Variants in NAV3 observed in about 807,000 individuals in gnomAD.
The protein encoded by NAV3 is neuron navigator 3.
In NAV3, 87 loss-of-function variants were observed where a neutral mutation model predicts 244.7. The ratio of observed to expected loss-of-function variants is 0.36; its 90% confidence interval spans 0.30 to 0.42. The LOEUF is 0.42. Among genes scored for constraint, NAV3 ranks in the 20% least tolerant of loss-of-function variants. The probability of loss-of-function intolerance (pLI) is 1.00; values close to 1 mark genes in which losing one functional copy is unlikely to be tolerated. For missense variants in NAV3, 2,663 were observed against 2,893.3 expected (o/e 0.92, Z 1.83); for synonymous variants, 1,126 against 1,042.2 (o/e 1.08, Z -1.55).
intron 2 of NAV3, among the ~76,000 whole-genome samples, chr12:77,821,674 T>C (rs1254468120): frequency 1.3e-5 from 2 of 152,184 alleles, no homozygotes; most frequent in Non-Finnish European, 2.9e-5. Flanking sequence ...TTCAAAAATA[T>C]GTGAAAATAA....
In NAV3 at chr12:78,017,874, G is replaced by C. The variant is rs192005803; in HGVS notation, c.1908-3873G>C. On this transcript the variant is annotated intron_variant, in intron 8 of 39. Transcript: ENST00000397909. ...TTGCATAAAAGGTACATCTTTACCA[G>C]TTGGCATTGATTGATCCTCTATAGA... is the stretch of plus-strand genomic sequence containing the variant. 2.6e-5 allele frequency among the ~76,000 whole-genome samples: 4 copies of C among 152,226 alleles called. No homozygotes were observed. The East Asian group carries it at 7.7e-4, about 29-fold the overall frequency.
intron 1 of NAV3, among the ~76,000 whole-genome samples, chr12:77,931,822 G>A (rs1467937727): frequency 4.6e-5 from 7 of 152,012 alleles, no homozygotes; most frequent in Admixed American, 2.6e-4. Flanking sequence ...AGCCGAGATC[G>A]CGCCACTGCA....
chr12:77,819,575 C>T (rs1312587068), intron 2 of NAV3, among the ~76,000 whole-genome samples: 5 of 151,752 alleles, frequency 3.3e-5, no homozygotes, highest in African/African-American at 9.7e-5. Flanking sequence ...CTACTCTCAC[C>T]GTTGCTCTAT....
chr12:77,934,052 T>C (rs1331529682), intron 1 of NAV3, among the ~76,000 whole-genome samples: 1 of 152,220 alleles, frequency 6.6e-6, no homozygotes, highest in Non-Finnish European at 1.5e-5. Flanking sequence ...ATAATCACTT[T>C]CAGTTTAAAA....
At chr12:78,016,814 G>A (rs1876294481) in intron 8 of NAV3, among the ~76,000 whole-genome samples, 1 of 152,110 alleles carries the variant, frequency 6.6e-6, no homozygotes, top group African/African-American at 2.4e-5. Context: ...TTAAAGATTA[G>A]AGGTTTGATA....
rs2140015717 is a variant in NAV3 at position 78,199,509 on chromosome 12, C to T, written c.6693C>T (p.His2231=). 6.3e-7 allele frequency: 1 copy of T among 1,599,326 alleles called. No homozygotes were observed. The highest frequency in any genetic ancestry group is 8.5e-7 in the Non-Finnish European group (1 of 1,174,582). ...WHHLNSFLET[H]SSSDVTIGPR... ...ATCTCAACAGTTTTTTGGAAACACACAGTTCTTCTGACGTTACCATTGGTG... is the reference window on the plus strand; with the variant it reads ...ATCTCAACAGTTTTTTGGAAACACATAGTTCTTCTGACGTTACCATTGGTG... Residue 2231 remains histidine, a synonymous_variant, in exon 37 of 40, where the codon CAC becomes CAT. Transcript: ENST00000397909.
At chr12:78,133,615 C>T (rs1402032424) in intron 18 of NAV3, among the ~76,000 whole-genome samples, 2 of 151,740 alleles carry the variant, frequency 1.3e-5, no homozygotes, top group Non-Finnish European at 2.9e-5. Flanking sequence ...AAAATCACAA[C>T]ATATATTAGA....
chr12:77,656,611 A>G (rs1209875225), intron 2 of NAV3, among the ~76,000 whole-genome samples: 3 of 134,070 alleles, frequency 2.2e-5, no homozygotes, highest in Non-Finnish European at 4.6e-5. Flanking sequence ...AGCGGACCTA[A>G]TAGACATCTA....
At position 78,117,160 on chromosome 12, in the gene NAV3, TATATATATATATATATATATA is replaced by T. The variant is rs1955430350; in HGVS notation, c.2769+257_2769+277del. Among the ~76,000 whole-genome samples, 17 of 108,780 alleles carry T rather than the reference TATATATATATATATATATATA, an allele frequency of 1.6e-4. 2 individuals carry two copies. The highest frequency in any genetic ancestry group is 1.1e-3 in the South Asian group (4 of 3,612). 71.4% of individuals were successfully genotyped at this position (108,780 alleles called of 152,430 possible). ...CAATTTTGAATAAACAGAAGCAGCA[TATATATATATATATATATATA>T]TATATATATATATATGATATACATT... is the stretch of plus-strand genomic sequence containing the variant. On this transcript the variant is annotated intron_variant, in intron 13 of 39. Transcript: ENST00000397909.
At chr12:78,169,457 CT>C (rs1957913683) in intron 24 of NAV3, among the ~76,000 whole-genome samples, 1 of 151,668 alleles carries the variant, frequency 6.6e-6, no homozygotes, top group Non-Finnish European at 1.5e-5. Context: ...GCCCCTACCC[CT>C]GGGTTCACCA....
At chr12:77,617,778 A>T (rs1288984810) in intron 2 of NAV3, among the ~76,000 whole-genome samples, 1 of 152,212 alleles carries the variant, frequency 6.6e-6, no homozygotes, top group Non-Finnish European at 1.5e-5. Context: ...TTCAGCTCCT[A>T]GTGGGTTCCT....
At chr12:78,176,818 G>A (rs900098031) in intron 26 of NAV3, among the ~76,000 whole-genome samples, 5 of 152,048 alleles carry the variant, frequency 3.3e-5, no homozygotes, top group African/African-American at 1.2e-4. Flanking sequence ...AAAACAAATT[G>A]CCTTGAAGAG....
intron 2 of NAV3, among the ~76,000 whole-genome samples, chr12:77,806,318 C>T (rs1225355743): frequency 6.6e-6 from 1 of 152,106 alleles, no homozygotes; most frequent in Admixed American, 6.5e-5. Context: ...TATAAATTCC[C>T]CTCTAAACAC....
chr12:78,063,720 A>G (rs1435850867), intron 12 of NAV3, among the ~76,000 whole-genome samples: 1 of 152,174 alleles, frequency 6.6e-6, no homozygotes, highest in Admixed American at 6.6e-5. Flanking sequence ...AGTAGCATTT[A>G]AGCAGGGTCT....
At chr12:77,592,642 A>G (rs1869960135) in intron 2 of NAV3, among the ~76,000 whole-genome samples, 1 of 152,156 alleles carries the variant, frequency 6.6e-6, no homozygotes, top group Non-Finnish European at 1.5e-5. Flanking sequence ...GTTACTAGTC[A>G]TTTGGTGTGA....
chr12:77,827,260 A>C (rs4387393), upstream of NAV3, among the ~76,000 whole-genome samples: 20,297 of 130,168 alleles, frequency 0.16, 1,223 homozygotes, highest in East Asian at 0.26. Flanking sequence ...AAAAAAAAAA[A>C]AGTAATGTGG....
intron 8 of NAV3, among the ~76,000 whole-genome samples, chr12:78,019,368 T>C (rs1876767815): frequency 6.6e-6 from 1 of 152,206 alleles, no homozygotes. Flanking sequence ...CTGAAACTTA[T>C]ATTCTGATAC....
At chr12:78,074,280 A>G (rs1952932757) in intron 12 of NAV3, among the ~76,000 whole-genome samples, 1 of 152,250 alleles carries the variant, frequency 6.6e-6, no homozygotes, top group African/African-American at 2.4e-5. Context: ...AGAGTCTTCA[A>G]AAATAATATC....
At chr12:78,046,773 T>G (rs1402560913) in intron 9 of NAV3, among the ~76,000 whole-genome samples, 1 of 152,174 alleles carries the variant, frequency 6.6e-6, no homozygotes, top group Non-Finnish European at 1.5e-5. Flanking sequence ...TGAGTTCAAG[T>G]CCTGAATATC....
Sources: allele counts gnomAD v4.1 joint callset (sites outside exome capture counted in the v4.1 genomes callset), GRCh38; gene constraint gnomAD v4.1.1; transcripts MANE v1.5; gene names NCBI Gene and HGNC (gene_info 2026-07-23, HGNC 2026-07-21).